The following ATG4C variants were observed in gnomAD, a reference collection of about 807,000 sequenced individuals.
The protein encoded by ATG4C is cysteine protease ATG4C.
Under a neutral mutation model 57.6 loss-of-function variants are expected in ATG4C, and 56 were observed. The observed-to-expected ratio is 0.97, with a 90% CI of 0.78 to 1.21. The LOEUF (loss-of-function observed/expected upper bound fraction) is 1.21. ATG4C is among the 50% of genes most tolerant of loss of function. ATG4C has a pLI of 0.00. For missense variants in ATG4C, 595 were observed against 529.8 expected (o/e 1.12, Z -1.21); for synonymous variants, 157 against 174.1 (o/e 0.90, Z 0.78).
At chr1:62,810,811 A>G (rs1480298752) in intron 3 of ATG4C, among the ~76,000 whole-genome samples, 2 of 151,608 alleles carry the variant, frequency 1.3e-5, no homozygotes, top group East Asian at 3.9e-4. Flanking sequence ...ATTTCAGTGG[A>G]CAAGCTAGAA....
intron 3 of ATG4C, among the ~76,000 whole-genome samples, chr1:62,813,297 A>T (rs536470577): frequency 3.3e-5 from 5 of 152,264 alleles, no homozygotes; most frequent in African/African-American, 1.2e-4. Context: ...ATAGCACCAC[A>T]CATCTACAAC....
At chr1:62,835,893 T>A (rs1331007980) in intron 9 of ATG4C, among the ~76,000 whole-genome samples, 2 of 152,066 alleles carry the variant, frequency 1.3e-5, no homozygotes, top group East Asian at 1.9e-4. Context: ...TAATTCTCTT[T>A]CTGCCTTGTG....
intron 7 of ATG4C, 59 bp downstream of exon 7, chr1:62,829,235 A>G (rs1665766048): frequency 1.9e-6 from 3 of 1,579,516 alleles, no homozygotes; most frequent in Non-Finnish European, 2.6e-6. Flanking sequence ...AAAATATAGA[A>G]GGTTTGCAAT....
chr1:62,829,038 A>C lies in ATG4C; in HGVS notation c.797-2A>C, dbSNP rs760257028. 19 of 1,596,772 alleles carry C rather than the reference A, an allele frequency of 1.2e-5. 1 individual carries two copies. The South Asian group carries it at 2.2e-4, about 18-fold the overall frequency. ...AATACATATTCATTATGTTTTTCTC[A>C]GTTTACAATTCTGATGTAATTGATA... On this transcript the variant is annotated splice_acceptor_variant, in intron 6 of 10. Transcript: ENST00000317868. LOFTEE classifies it high-confidence loss of function.
intron 6 of ATG4C, among the ~76,000 whole-genome samples, chr1:62,822,356 G>GTATA: frequency 6.6e-6 from 1 of 152,242 alleles, no homozygotes; most frequent in Admixed American, 6.5e-5. Context: ...TTTCAGATAA[G>GTATA]TATATGAGTT....
intron 5 of ATG4C, among the ~76,000 whole-genome samples, chr1:62,820,815 T>C (rs1372326151): frequency 6.6e-6 from 1 of 152,118 alleles, no homozygotes; most frequent in Non-Finnish European, 1.5e-5. Flanking sequence ...TCTTGCAGCA[T>C]ATTCATACCA....
intron 2 of ATG4C, among the ~76,000 whole-genome samples, chr1:62,804,430 C>A (rs1486890204): frequency 6.6e-6 from 1 of 151,752 alleles, no homozygotes; most frequent in Non-Finnish European, 1.5e-5. Flanking sequence ...ATATTAATAT[C>A]CTCATGTCTT....
rs531466946 is a variant in ATG4C, at chr1:62,797,965, G to A, written c.-68-5754G>A. On this transcript the variant is annotated intron_variant, in intron 1 of 10. Transcript: ENST00000317868. ...CTCCCAAGTAGCTGAGATTACAGGC[G>A]CGTGCCACCACACCTGGCTAATTTT... Among the ~76,000 whole-genome samples the A allele has an allele frequency of 2.0e-3, 307 of 152,100 alleles. 1 individual carries two copies. Among genetic ancestry groups the A allele is most frequent in the African/African-American group, 6.9e-3 (285 of 41,484 alleles).
In ATG4C at chr1:62,834,110, T is replaced by A. The variant is rs1381423613; in HGVS notation, c.1006T>A (p.Phe336Ile). 3.7e-6 allele frequency: 6 copies of A among 1,612,156 alleles called. No individual in the cohort carries two copies. The highest frequency in any genetic ancestry group is 4.2e-6 in the Non-Finnish European group (5 of 1,178,836). The change falls in exon 8 of 11, where the codon TTT becomes ATT. Residue 336 changes from phenylalanine to isoleucine, a missense_variant. By Grantham distance (21) the Phe-to-Ile change is conservative. Transcript: ENST00000317868. ...TAAACAGTCATATTACTTTGCTGGA[T>A]TTCAAGGTTAGTGATTTAGTAAAAT... Reference protein sequence around the residue: ...KPKQSYYFAGFQDDSLIYMDP... With the variant: ...KPKQSYYFAGIQDDSLIYMDP...
At chr1:62,807,527 T>G in intron 3 of ATG4C, among the ~76,000 whole-genome samples, 1 of 152,170 alleles carries the variant, frequency 6.6e-6, no homozygotes, top group East Asian at 1.9e-4. Context: ...GAGATTGAGT[T>G]GATAATTTAT....
intron 10 of ATG4C, among the ~76,000 whole-genome samples, chr1:62,858,396 T>C (rs958357967): frequency 6.6e-6 from 1 of 152,226 alleles, no homozygotes; most frequent in African/African-American, 2.4e-5. Context: ...TGTGACCTTA[T>C]ACGAGTCACC....
intron 1 of ATG4C, among the ~76,000 whole-genome samples, chr1:62,801,573 C>A (rs1664663463): frequency 6.6e-6 from 1 of 151,936 alleles, no homozygotes; most frequent in South Asian, 2.1e-4. Flanking sequence ...GAGTTCAAGA[C>A]CAGCCTGCTG....
intron 10 of ATG4C, among the ~76,000 whole-genome samples, chr1:62,853,441 A>C (rs1666581354): frequency 6.6e-6 from 1 of 152,154 alleles, no homozygotes; most frequent in African/African-American, 2.4e-5. Context: ...GTTAGCTATA[A>C]TTATTACTGT....
chr1:62,856,742 A>G (rs1448612717), intron 10 of ATG4C, among the ~76,000 whole-genome samples: 1 of 152,154 alleles, frequency 6.6e-6, no homozygotes, highest in East Asian at 1.9e-4. Context: ...CTTGGACTGG[A>G]ACTTTACTGA....
chr1:62,791,321 T>C (rs533206934), intron 1 of ATG4C, among the ~76,000 whole-genome samples: 1 of 152,190 alleles, frequency 6.6e-6, no homozygotes, highest in South Asian at 2.1e-4. Context: ...TTAAATTACA[T>C]GTAGTACTAG....
At chr1:62,862,018 A>G (rs1320995578) in intron 10 of ATG4C, among the ~76,000 whole-genome samples, 2 of 152,162 alleles carry the variant, frequency 1.3e-5, no homozygotes, top group Non-Finnish European at 2.9e-5. Context: ...TATTATAAAC[A>G]TCCATGTGCA....
intron 3 of ATG4C, among the ~76,000 whole-genome samples, chr1:62,811,914 A>G (rs984667637): frequency 3.3e-5 from 5 of 152,170 alleles, no homozygotes; most frequent in Non-Finnish European, 7.4e-5. Context: ...TGAGAAAAAA[A>G]TTGATTTTAT....
At chr1:62,796,799 G>T (rs2100285804) in intron 1 of ATG4C, among the ~76,000 whole-genome samples, 2 of 152,214 alleles carry the variant, frequency 1.3e-5, no homozygotes, top group Admixed American at 1.3e-4. Context: ...CAAAGTAGAG[G>T]TTCATTTCTT....
At chr1:62,792,981 G>T (rs77057972) in intron 1 of ATG4C, among the ~76,000 whole-genome samples, 3,043 of 151,778 alleles carry the variant, frequency 0.02, 104 homozygotes, top group African/African-American at 0.07. Context: ...GCACGTCCCG[G>T]GTTCACGCCA....
Sources: allele counts gnomAD v4.1 joint callset (sites outside exome capture counted in the v4.1 genomes callset), GRCh38; gene constraint gnomAD v4.1.1; transcripts MANE v1.5; gene names NCBI Gene and HGNC (gene_info 2026-07-23, HGNC 2026-07-21).